The following PCDHGA4 variants were observed in gnomAD, a reference collection of about 807,000 sequenced individuals.
PCDHGA4 encodes protocadherin gamma-A4.
In PCDHGA4, 38 loss-of-function variants were observed where a neutral mutation model predicts 54.6. The observed-to-expected ratio is 0.70, with a 90% CI of 0.54 to 0.91. The LOEUF (loss-of-function observed/expected upper bound fraction) is 0.91, where lower values mean the gene tolerates loss of function less well. Among genes scored for constraint, PCDHGA4 ranks in the 40% least tolerant of loss-of-function variants. PCDHGA4 has a pLI of 0.00. For missense variants in PCDHGA4, 1,298 were observed against 1,220.9 expected, an observed-to-expected ratio of 1.06 and a Z score of -0.94; for synonymous variants, 511 against 512.9, an observed-to-expected ratio of 1.00 and a Z score of 0.05.
chr5:141,414,052 T>C, intron 1 of PCDHGA4: 1 of 1,610,346 alleles, frequency 6.2e-7, no homozygotes, highest in Non-Finnish European at 8.5e-7. Flanking sequence ...TGACACGCAA[T>C]TGTTGAAGTT....
At chr5:141,413,970 G>A in intron 1 of PCDHGA4, 1 of 1,613,450 alleles carries the variant, frequency 6.2e-7, no homozygotes, top group Non-Finnish European at 8.5e-7. Flanking sequence ...GCACTCAGCT[G>A]CTGACAGTCA....
chr5:141,437,385 C>T (rs543945898), intron 1 of PCDHGA4, among the ~76,000 whole-genome samples: 12 of 152,202 alleles, frequency 7.9e-5, no homozygotes, highest in Non-Finnish European at 1.6e-4. Flanking sequence ...AGAAGACATT[C>T]ATCCACTGCT....
At position 141,393,000 on chromosome 5, in the gene PCDHGA4, G is replaced by A. The variant is rs772046833; in HGVS notation, c.2514+35379G>A. The stretch of plus-strand genomic sequence containing the variant: ...GGACCCCCGGAAGCTGGCGAAGCAC[G>A]GAGTCCGTATCGTCTCCAGAGGTAG... On this transcript the variant is annotated intron_variant, in intron 1 of 3. Transcript: ENST00000571252. The A allele has an allele frequency of 2.5e-6, 4 of 1,613,856 alleles. No individual in the cohort carries two copies. In the South Asian group the frequency reaches 4.4e-5, roughly 18 times the overall value.
intron 1 of PCDHGA4, chr5:141,427,624 C>T (rs2097051687): frequency 1.4e-6 from 1 of 698,516 alleles, no homozygotes; most frequent in South Asian, 1.5e-5. Context: ...AACGACAATG[C>T]TCCGGTTTTC....
At chr5:141,420,252 C>T (rs745697672) in intron 1 of PCDHGA4, 1 of 1,576,604 alleles carries the variant, frequency 6.3e-7, no homozygotes, top group Non-Finnish European at 8.6e-7. Flanking sequence ...AGCGTTGAAG[C>T]AGATAAGAAG....
At chr5:141,492,548 C>A (rs1028674110) in intron 1 of PCDHGA4, among the ~76,000 whole-genome samples, 1 of 152,218 alleles carries the variant, frequency 6.6e-6, no homozygotes, top group Non-Finnish European at 1.5e-5. Flanking sequence ...TGGGCCGGGT[C>A]GCCTGGGGGG....
intron 1 of PCDHGA4, chr5:141,365,479 A>C: frequency 6.2e-7 from 1 of 1,614,024 alleles, no homozygotes; most frequent in African/African-American, 1.3e-5. Context: ...GTGAGATTGC[A>C]TGCTCTATTC....
At chr5:141,441,298 T>C (rs1289976355) in intron 1 of PCDHGA4, 1 of 152,150 alleles carries the variant, frequency 6.6e-6, no homozygotes, top group Non-Finnish European at 1.5e-5. Flanking sequence ...ATGTCTGATA[T>C]AAGAAAATGC....
At chr5:141,495,810 C>A (rs1003475681) in intron 2 of PCDHGA4, among the ~76,000 whole-genome samples, 2 of 152,088 alleles carry the variant, frequency 1.3e-5, no homozygotes, top group African/African-American at 4.8e-5. Flanking sequence ...CGTTTCCTAG[C>A]GCCTTGTGTT....
chr5:141,410,710 CAT>C lies in PCDHGA4; in HGVS notation c.2514+53092_2514+53093del, dbSNP rs140431021. 1.9e-3 allele frequency: 2,785 copies of C among 1,444,504 alleles called. 45 individuals are homozygous for C. In the African/African-American group the frequency reaches 0.033, roughly 17 times the overall value. The allele number at this position is 1,444,504 out of a possible 1,614,324, so 89.5% of individuals were successfully genotyped here. On this transcript the variant is annotated intron_variant, in intron 1 of 3. Coordinates refer to ENST00000571252, the MANE Select transcript of PCDHGA4 (RefSeq NM_018917.4). ...ACTACTTTATTTTCATATCTAGAATCATATGTTTAAAATCCATAGCTTTTTAC... is the reference window on the plus strand; with the variant it reads ...ACTACTTTATTTTCATATCTAGAATCATGTTTAAAATCCATAGCTTTTTAC...
chr5:141,509,638 A>G (rs1204228233), intron 3 of PCDHGA4, among the ~76,000 whole-genome samples: 1 of 152,174 alleles, frequency 6.6e-6, no homozygotes, highest in Admixed American at 6.5e-5. Flanking sequence ...ATGCTGAGCC[A>G]GGGCCAGAGT....
chr5:141,370,413 T>C (rs778967972), intron 1 of PCDHGA4: 2 of 1,567,918 alleles, frequency 1.3e-6, no homozygotes, highest in South Asian at 2.4e-5. Flanking sequence ...TAGCTCCGGA[T>C]GGAGGGGCCC....
chr5:141,456,824 G>A (rs2098890304), intron 1 of PCDHGA4, among the ~76,000 whole-genome samples: 2 of 152,170 alleles, frequency 1.3e-5, no homozygotes, highest in South Asian at 2.1e-4. Context: ...ATTAGCCATC[G>A]TGGTAGTGGG....
At position 141,489,220 on chromosome 5, in the gene PCDHGA4, C is replaced by T; in HGVS notation, c.2515-5587C>T. ...AGACAGGACAGCACAGACTTACTCT[C>T]CACAAAGGGACTTCTGGGTCATGGG... On this transcript the variant is annotated intron_variant, in intron 1 of 3. Transcript: ENST00000571252. This position sits in a 1 kb window ranked among gnomAD's most constrained non-coding sequence, Gnocchi z 4.5. The T allele has an allele frequency of 6.6e-7, 1 of 1,508,698 alleles. No homozygotes were observed. The highest frequency in any genetic ancestry group is 8.9e-7 in the Non-Finnish European group (1 of 1,122,110). The allele number at this position is 1,508,698 out of a possible 1,614,324, so 93.5% of individuals were successfully genotyped here.
intron 1 of PCDHGA4, chr5:141,365,218 C>T: frequency 1.2e-6 from 2 of 1,613,898 alleles, no homozygotes; most frequent in Non-Finnish European, 1.7e-6. Context: ...AACTTGATTC[C>T]AACCTGGGGG....
intron 1 of PCDHGA4, chr5:141,393,489 G>C: frequency 6.2e-7 from 1 of 1,614,062 alleles, no homozygotes; most frequent in Non-Finnish European, 8.5e-7. Flanking sequence ...CTCTAGCACA[G>C]TGCGCATCCA....
intron 1 of PCDHGA4, chr5:141,376,564 A>T: frequency 1.2e-6 from 2 of 1,607,478 alleles, no homozygotes; most frequent in East Asian, 4.5e-5. Flanking sequence ...CAACCCAACT[A>T]ATCAGACAGG....
chr5:141,485,993 A>C lies in PCDHGA4; in HGVS notation c.2515-8814A>C. 6.2e-7 allele frequency: 1 copy of C among 1,614,210 alleles called. No homozygotes were observed. Among genetic ancestry groups the C allele is most frequent in the Non-Finnish European group, 8.5e-7 (1 of 1,180,028 alleles). On this transcript the variant is annotated intron_variant, in intron 1 of 3. Coordinates refer to ENST00000571252, the MANE Select transcript of PCDHGA4 (RefSeq NM_018917.4). The surrounding 1 kb of genome is among the most constrained non-coding windows in gnomAD (Gnocchi z 5.7). ...TGCCTCAGACCCGGACCTGGGTCCC[A>C]GTGGTAACGTCACCTTTTATTTCAG...
At chr5:141,414,439 T>A in intron 1 of PCDHGA4, 1 of 1,613,874 alleles carries the variant, frequency 6.2e-7, no homozygotes, top group East Asian at 2.2e-5. Context: ...GGTATCCTCT[T>A]ACAATATCAC....
Sources: allele counts gnomAD v4.1 joint callset (sites outside exome capture counted in the v4.1 genomes callset), GRCh38; gene constraint gnomAD v4.1.1; non-coding constraint Gnocchi (gnomAD v3.1); transcripts MANE v1.5; gene names NCBI Gene and HGNC (gene_info 2026-07-23, HGNC 2026-07-21).